RPH3A: variants seen among roughly 807,000 people sequenced by gnomAD.
RPH3A encodes rabphilin 3A, also known as rabphilin-3A.
Under a neutral mutation model 102.2 loss-of-function variants are expected in RPH3A, and 48 were observed. That is an observed-to-expected ratio of 0.47 (90% confidence interval 0.37 to 0.60). RPH3A has a LOEUF of 0.60. RPH3A is among the 20% of genes least tolerant of loss of function. The probability of loss-of-function intolerance (pLI) is 0.00; values close to 1 mark genes in which losing one functional copy is unlikely to be tolerated. For synonymous variants in RPH3A, 310 were observed against 324.3 expected (o/e 0.96, Z 0.47); for missense variants, 781 against 910.1 (o/e 0.86, Z 1.83).
chr12:112,727,452 GACACAGAC>G (rs1565862448), intron 1 of RPH3A, among the ~76,000 whole-genome samples: 10,358 of 51,490 alleles, frequency 0.2, 664 homozygotes, highest in Admixed American at 0.27. Flanking sequence ...TACACACACA[GACACAGAC>G]ACACACACAC....
chr12:112,859,052 C>A (rs895508867), intron 5 of RPH3A, among the ~76,000 whole-genome samples: 1 of 152,120 alleles, frequency 6.6e-6, no homozygotes, highest in Non-Finnish European at 1.5e-5. Context: ...TAATTGGGCA[C>A]TTAATGTGAG....
At chr12:112,661,132 A>G (rs1340071108) in intron 1 of RPH3A, among the ~76,000 whole-genome samples, 1 of 152,178 alleles carries the variant, frequency 6.6e-6, no homozygotes, top group African/African-American at 2.4e-5. Flanking sequence ...TGCGTCATCT[A>G]GATACACTCT....
At chr12:112,653,873 A>G (rs572102328) in intron 1 of RPH3A, among the ~76,000 whole-genome samples, 64 of 152,304 alleles carry the variant, frequency 4.2e-4, no homozygotes, top group African/African-American at 1.5e-3. Context: ...TTTTAATTTT[A>G]AGAACTTTTT....
chr12:112,580,394 CTTTTTTTT>C (rs773931202), intron 1 of RPH3A, among the ~76,000 whole-genome samples: 42 of 76,954 alleles, frequency 5.5e-4, no homozygotes, highest in East Asian at 4.3e-3. Context: ...TTTGTCTTGT[CTTTTTTTT>C]TTTTTTTTTT....
chr12:112,676,672 T>G (rs763493485), intron 1 of RPH3A, among the ~76,000 whole-genome samples: 1 of 152,184 alleles, frequency 6.6e-6, no homozygotes, highest in African/African-American at 2.4e-5. Flanking sequence ...AGGGCCCTTT[T>G]GCTGAGAGTA....
chr12:112,743,406 G>A (rs2040723780), intron 1 of RPH3A, among the ~76,000 whole-genome samples: 1 of 152,178 alleles, frequency 6.6e-6, no homozygotes, highest in Non-Finnish European at 1.5e-5. Flanking sequence ...TTTCCCATCA[G>A]AGAGATGCAG....
rs566272271 is a variant in RPH3A, at chr12:112,887,694, T to C, written c.1437-103T>C. Reference sequence around the variant, plus strand: ...AACAGGAAATCATATTATTTCCACATACATTACACATTCCTTACCAGTATC... The same window carrying C: ...AACAGGAAATCATATTATTTCCACACACATTACACATTCCTTACCAGTATC... On this transcript the variant is annotated intron_variant, in intron 16 of 21. Transcript: ENST00000389385. The C allele has an allele frequency of 3.7e-5, 46 of 1,236,052 alleles. No individual in the cohort carries two copies. In the African/African-American group the frequency reaches 6.3e-4, roughly 17 times the overall value. 76.6% of individuals were successfully genotyped at this position (1,236,052 alleles called of 1,614,324 possible).
intron 1 of RPH3A, among the ~76,000 whole-genome samples, chr12:112,698,916 T>TC (rs1013783307): frequency 2.1e-5 from 1 of 48,662 alleles, no homozygotes; most frequent in Non-Finnish European, 3.8e-5. Flanking sequence ...CTCCCCCTCC[T>TC]CCCCCCGCCC....
chr12:112,692,714 G>C (rs1043643558), intron 1 of RPH3A, among the ~76,000 whole-genome samples: 4 of 152,246 alleles, frequency 2.6e-5, no homozygotes, highest in African/African-American at 7.2e-5. Context: ...GGGAAGGTCA[G>C]TGATGTTCCC....
chr12:112,698,230 A>G (rs985229418), intron 1 of RPH3A, among the ~76,000 whole-genome samples: 4 of 152,242 alleles, frequency 2.6e-5, no homozygotes, highest in Non-Finnish European at 4.4e-5. Context: ...TTCAACCCAT[A>G]TATTACATCA....
At chr12:112,677,348 TTCCTCCCTCCCTCCCTCCCTCCTTCC>T (rs2040183517) in intron 1 of RPH3A, among the ~76,000 whole-genome samples, 1 of 66,052 alleles carries the variant, frequency 1.5e-5, no homozygotes, top group African/African-American at 5.0e-5. Context: ...CCTCCTTCCC[TTCCTCCCTCCCTCCCTCCCTCCTTCC>T]CTTCCTCCCT....
At chr12:112,880,689 T>C (rs1175412871) in intron 14 of RPH3A, among the ~76,000 whole-genome samples, 3 of 152,188 alleles carry the variant, frequency 2.0e-5, no homozygotes, top group Admixed American at 6.5e-5. Flanking sequence ...TGAAAATCTA[T>C]GGTATAACTT....
chr12:112,794,747 T>C (rs2041196603), intron 2 of RPH3A, among the ~76,000 whole-genome samples: 1 of 152,094 alleles, frequency 6.6e-6, no homozygotes, highest in Non-Finnish European at 1.5e-5. Context: ...GGAAAAACAA[T>C]TTGCCCAAGA....
chr12:112,630,292 C>A (rs1353180609), intron 1 of RPH3A, among the ~76,000 whole-genome samples: 2 of 152,120 alleles, frequency 1.3e-5, no homozygotes, highest in Non-Finnish European at 2.9e-5. Flanking sequence ...GATTTATTCC[C>A]ATTTTAGGGT....
intron 1 of RPH3A, among the ~76,000 whole-genome samples, chr12:112,707,179 A>G (rs2040432077): frequency 6.6e-6 from 1 of 152,160 alleles, no homozygotes; most frequent in South Asian, 2.1e-4. Flanking sequence ...TTGATGCTAA[A>G]AAAATCATTT....
At chr12:112,810,263 T>G (rs1213720029) in intron 2 of RPH3A, among the ~76,000 whole-genome samples, 1 of 152,208 alleles carries the variant, frequency 6.6e-6, no homozygotes, top group Non-Finnish European at 1.5e-5. Context: ...AACCCTCAAA[T>G]GCAGCCCCTA....
At chr12:112,612,929 C>T (rs116407898) in intron 1 of RPH3A, among the ~76,000 whole-genome samples, 2,244 of 152,000 alleles carry the variant, frequency 0.015, 56 homozygotes, top group African/African-American at 0.052. Context: ...AAAGAGAGCA[C>T]CCAGGTATAA....
intron 1 of RPH3A, among the ~76,000 whole-genome samples, chr12:112,628,812 G>A (rs1234362858): frequency 1.3e-5 from 2 of 151,976 alleles, no homozygotes; most frequent in African/African-American, 4.8e-5. Context: ...TATGATCTGA[G>A]TTACATTTGA....
intron 1 of RPH3A, among the ~76,000 whole-genome samples, chr12:112,666,087 G>A (rs1436891424): frequency 6.6e-6 from 1 of 152,216 alleles, no homozygotes; most frequent in Admixed American, 6.5e-5. Context: ...CACATGCATT[G>A]ATGTATCAGA....
Sources: gnomAD v4.1 joint callset for allele counts (sites outside exome capture counted in the v4.1 genomes callset) on GRCh38, gnomAD v4.1.1 for gene constraint, MANE v1.5 for transcripts, NCBI Gene and HGNC (gene_info 2026-07-23, HGNC 2026-07-21) for gene names.